Variants in CELF2 observed in about 807,000 individuals in gnomAD.
CELF2 encodes the protein CUGBP Elav-like family member 2.
In CELF2, 8 loss-of-function variants were observed where a neutral mutation model predicts 62.6. The observed-to-expected ratio is 0.13, with a 90% CI of 0.07 to 0.23. The LOEUF is 0.23. Among genes scored for constraint, CELF2 ranks in the 10% least tolerant of loss-of-function variants. CELF2 has a pLI of 1.00. For synonymous variants in CELF2, 258 were observed against 250.0 expected (o/e 1.03, Z -0.30); for missense variants, 333 against 671.0 (o/e 0.50, Z 5.56).
In CELF2 at chr10:11,241,495, G is replaced by C. The variant is rs559705150; in HGVS notation, c.355-7658G>C. Among the ~76,000 whole-genome samples, 285 of 152,272 alleles carry C rather than the reference G, an allele frequency of 1.9e-3. 1 individual carries two copies. Among genetic ancestry groups the C allele is most frequent in the African/African-American group, 6.5e-3 (271 of 41,552 alleles). ...GATTACAGGTGTGAGTGACCGCGCT[G>C]GGCCAGCTGCTTGTTATTGATCTGA... is the stretch of plus-strand genomic sequence containing the variant. On this transcript the variant is annotated intron_variant, in intron 3 of 12. Transcript: ENST00000633077.
At chr10:10,819,121 A>G (rs12358451) in intron 1 of CELF2, among the ~76,000 whole-genome samples, 248 of 152,282 alleles carry the variant, frequency 1.6e-3, no homozygotes, top group African/African-American at 5.9e-3. Flanking sequence ...CTGTATTCTC[A>G]TCTCTAACAT....
chr10:10,512,465 G>A, the CELF2 span, among the ~76,000 whole-genome samples: 226 of 140,774 alleles, frequency 1.6e-3, no homozygotes, highest in Non-Finnish European at 2.7e-3. Context: ...GGAGTGCAGT[G>A]GCGTGATCTC....
chr10:11,137,417 C>G (rs2060610915), intron 1 of CELF2, among the ~76,000 whole-genome samples: 1 of 152,196 alleles, frequency 6.6e-6, no homozygotes, highest in African/African-American at 2.4e-5. Flanking sequence ...CGTGTTAGTA[C>G]AATGCTGTGG....
intron 1 of CELF2, among the ~76,000 whole-genome samples, chr10:10,845,425 C>T (rs2058950556): frequency 6.7e-6 from 1 of 148,332 alleles, no homozygotes; most frequent in African/African-American, 2.5e-5. Context: ...TACAATGAAA[C>T]AGAAAATGTA....
chr10:10,605,703 T>A, the CELF2 span, among the ~76,000 whole-genome samples: 1 of 152,196 alleles, frequency 6.6e-6, no homozygotes, highest in African/African-American at 2.4e-5. Context: ...ATGAAGATCA[T>A]GTGTGTTTGC....
chr10:10,925,508 G>T (rs1748358276), intron 2 of CELF2, among the ~76,000 whole-genome samples: 1 of 152,082 alleles, frequency 6.6e-6, no homozygotes, highest in Non-Finnish European at 1.5e-5. Context: ...TGGTTCAGTG[G>T]CATGAAGAAG....
At chr10:10,526,665 C>G in the CELF2 span, among the ~76,000 whole-genome samples, 43 of 152,334 alleles carry the variant, frequency 2.8e-4, no homozygotes, top group Non-Finnish European at 4.9e-4. Flanking sequence ...CCACCAACTC[C>G]AACCTCTGTC....
intron 1 of CELF2, among the ~76,000 whole-genome samples, chr10:10,844,662 C>T (rs919553091): frequency 3.3e-5 from 5 of 152,150 alleles, no homozygotes; most frequent in South Asian, 4.2e-4. Flanking sequence ...TTACTTAAGC[C>T]TTTTCTCTCT....
At chr10:10,872,304 G>C (rs1303376954) in intron 1 of CELF2, among the ~76,000 whole-genome samples, 1 of 152,152 alleles carries the variant, frequency 6.6e-6, no homozygotes, top group African/African-American at 2.4e-5. Flanking sequence ...TGACCTGGGA[G>C]GTGATTTGAG....
chr10:11,122,048 G>T (rs2057861961), intron 1 of CELF2, among the ~76,000 whole-genome samples: 1 of 152,208 alleles, frequency 6.6e-6, no homozygotes, highest in African/African-American at 2.4e-5. Context: ...CCCAGGTGAG[G>T]TACACTATAT....
chr10:11,314,862 A>C lies in CELF2; in HGVS notation c.1096+604A>C. On this transcript the variant is annotated intron_variant, in intron 10 of 12. Coordinates refer to ENST00000633077, the MANE Select transcript of CELF2 (RefSeq NM_001326342.2). This position sits in a 1 kb window ranked among gnomAD's most constrained non-coding sequence, Gnocchi z 5.3. The stretch of plus-strand genomic sequence containing the variant: ...AGGAGCCACTGCTGGCAGTGACATG[A>C]TCAGAATCTTTATTAAGCACCCACA... The C allele has an allele frequency of 5.7e-6, 1 of 175,420 alleles. No individual in the cohort carries two copies. The highest frequency in any genetic ancestry group is 1.4e-4 in the South Asian group (1 of 7,334). The allele number at this position is 175,420 out of a possible 1,614,324, so 10.9% of individuals were successfully genotyped here.
At chr10:10,563,198 T>C in the CELF2 span, among the ~76,000 whole-genome samples, 1 of 152,036 alleles carries the variant, frequency 6.6e-6, no homozygotes, top group African/African-American at 2.4e-5. Context: ...TCGTTTTCTG[T>C]CTCTACTGAC....
At chr10:10,735,938 C>A in the CELF2 span, among the ~76,000 whole-genome samples, 98 of 152,232 alleles carry the variant, frequency 6.4e-4, no homozygotes, top group African/African-American at 2.4e-3. Flanking sequence ...CAGGAACACT[C>A]AATATACAGC....
chr10:11,286,342 G>A (rs185837792), intron 8 of CELF2, among the ~76,000 whole-genome samples: 17 of 152,350 alleles, frequency 1.1e-4, no homozygotes, highest in African/African-American at 3.4e-4. Context: ...TTTGATTTTG[G>A]TGCTAAGCCC....
intron 2 of CELF2, among the ~76,000 whole-genome samples, chr10:11,182,269 CAG>C (rs2073671858): frequency 6.6e-6 from 1 of 152,182 alleles, no homozygotes; most frequent in South Asian, 2.1e-4. Flanking sequence ...GGGCAGCAAA[CAG>C]AAATGACTTC....
At chr10:11,239,762 G>T (rs148785128) in intron 3 of CELF2, among the ~76,000 whole-genome samples, 4 of 152,048 alleles carry the variant, frequency 2.6e-5, no homozygotes, top group Non-Finnish European at 5.9e-5. Context: ...AGCAAATGGT[G>T]ATTGAAAGTT....
chr10:11,033,349 C>G (rs951424931), intron 1 of CELF2, among the ~76,000 whole-genome samples: 3 of 152,006 alleles, frequency 2.0e-5, no homozygotes, highest in African/African-American at 7.3e-5. Flanking sequence ...CTTCCACCCC[C>G]CAGGTTCAAG....
intron 1 of CELF2, among the ~76,000 whole-genome samples, chr10:10,900,696 A>T (rs1229108536): frequency 6.6e-6 from 1 of 152,206 alleles, no homozygotes; most frequent in East Asian, 1.9e-4. Flanking sequence ...TCAACATTCT[A>T]TTGCAGGTTG....
the CELF2 span, among the ~76,000 whole-genome samples, chr10:10,757,545 T>G: frequency 2.0e-5 from 3 of 152,230 alleles, no homozygotes; most frequent in African/African-American, 7.2e-5. Flanking sequence ...CATGTATGTA[T>G]GTATGTATAC....
Sources: allele counts gnomAD v4.1 joint callset (sites outside exome capture counted in the v4.1 genomes callset), GRCh38; gene constraint gnomAD v4.1.1; non-coding constraint Gnocchi (gnomAD v3.1); transcripts MANE v1.5; gene names NCBI Gene and HGNC (gene_info 2026-07-23, HGNC 2026-07-21).